DLGAP4: variants seen among roughly 807,000 people sequenced by gnomAD.
The protein encoded by DLGAP4 is disks large-associated protein 4.
DLGAP4 carries 18 observed loss-of-function variants against 86.9 expected under a neutral mutation model. The ratio of observed to expected loss-of-function variants is 0.21; its 90% CI spans 0.14 to 0.31. The LOEUF (loss-of-function observed/expected upper bound fraction) is 0.31. Ranked by LOEUF, DLGAP4 falls within the 10% of genes least tolerant of loss-of-function variation. The pLI is 1.00. For missense variants in DLGAP4, 1,085 were observed against 1,362.6 expected, an observed-to-expected ratio of 0.80 and a Z score of 3.21; for synonymous variants, 548 against 574.3, an observed-to-expected ratio of 0.95 and a Z score of 0.65.
At chr20:36,403,355 T>G (rs765519671) in intron 2 of DLGAP4, among the ~76,000 whole-genome samples, 11 of 152,200 alleles carry the variant, frequency 7.2e-5, no homozygotes, top group Non-Finnish European at 1.2e-4. Context: ...TAAACACATC[T>G]TTAAAGTCCC....
chr20:36,345,838 G>A (rs782593389), intron 1 of DLGAP4, among the ~76,000 whole-genome samples: 3 of 151,772 alleles, frequency 2.0e-5, no homozygotes, highest in Non-Finnish European at 4.4e-5. Flanking sequence ...GCTCCCTGCC[G>A]CCTTGACCTC....
intron 2 of DLGAP4, among the ~76,000 whole-genome samples, chr20:36,378,058 AG>A (rs1381607205): frequency 6.6e-6 from 1 of 152,150 alleles, no homozygotes; most frequent in Admixed American, 6.5e-5. Context: ...GTCCCCCAGG[AG>A]AGCCCCTGGG....
chr20:36,403,264 G>A (rs891757552), intron 2 of DLGAP4, among the ~76,000 whole-genome samples: 1 of 152,154 alleles, frequency 6.6e-6, no homozygotes, highest in South Asian at 2.1e-4. Flanking sequence ...ATGGCAGAAG[G>A]TCAAAGAGAG....
chr20:36,444,982 G>T (rs1158284618), intron 6 of DLGAP4, among the ~76,000 whole-genome samples: 4 of 151,674 alleles, frequency 2.6e-5, no homozygotes, highest in African/African-American at 9.7e-5. Flanking sequence ...TTAGAGACAG[G>T]ATCTTGCTTT....
At chr20:36,312,858 G>T (rs2065065119) in intron 1 of DLGAP4, among the ~76,000 whole-genome samples, 1 of 152,170 alleles carries the variant, frequency 6.6e-6, no homozygotes, top group Admixed American at 6.5e-5. Context: ...TTCTGTTGCA[G>T]CTGCCAGGAC....
In DLGAP4 at chr20:36,527,297, C is replaced by CTAGAT; in HGVS notation, c.*267_*271dup. On this transcript the variant is annotated 3_prime_UTR_variant, in exon 13 of 13. Transcript: ENST00000339266. Reference sequence around the variant, plus strand: ...TTTTCCTCTTGCTGGCCGTGGTGGACTAGATAGATGGACGTCGGCAACTCC... The same window carrying CTAGAT: ...TTTTCCTCTTGCTGGCCGTGGTGGACTAGATTAGATAGATGGACGTCGGCAACTCC... The CTAGAT allele has an allele frequency of 3.0e-6, 1 of 334,756 alleles. No individual in the cohort carries two copies. Among genetic ancestry groups the CTAGAT allele is most frequent in the Non-Finnish European group, 5.5e-6 (1 of 181,638 alleles). 20.7% of individuals were successfully genotyped at this position (334,756 alleles called of 1,614,324 possible). A position where few individuals can be genotyped will look rare whatever the true frequency, so the allele number is the denominator to read the frequency against.
chr20:36,361,273 C>T (rs2030511175), intron 1 of DLGAP4, among the ~76,000 whole-genome samples: 1 of 152,150 alleles, frequency 6.6e-6, no homozygotes, highest in Non-Finnish European at 1.5e-5. Flanking sequence ...TTCAACTTTA[C>T]AAATATTTAT....
At chr20:36,526,656 C>A (rs568597463) in intron 12 of DLGAP4, among the ~76,000 whole-genome samples, 157 bp from the exon 13 acceptor site, 1 of 152,148 alleles carries the variant, frequency 6.6e-6, no homozygotes, top group African/African-American at 2.4e-5. Context: ...TCAGTCATCG[C>A]TTCTCGTGGC....
intron 1 of DLGAP4, among the ~76,000 whole-genome samples, chr20:36,324,753 T>C (rs1250379723): frequency 6.6e-6 from 1 of 152,250 alleles, no homozygotes; most frequent in Non-Finnish European, 1.5e-5. Flanking sequence ...GTTTCGAAAC[T>C]TATTATCTTT....
At chr20:36,380,750 G>A (rs1178282533) in intron 2 of DLGAP4, among the ~76,000 whole-genome samples, 2 of 152,108 alleles carry the variant, frequency 1.3e-5, no homozygotes, top group African/African-American at 4.8e-5. Flanking sequence ...CCCTTAGCAT[G>A]CATCTTTCAT....
At chr20:36,415,733 C>T (rs754447979) in intron 2 of DLGAP4, among the ~76,000 whole-genome samples, 2 of 152,172 alleles carry the variant, frequency 1.3e-5, no homozygotes, top group African/African-American at 2.4e-5. Context: ...CCAGCCTCCA[C>T]GCCATACACA....
intron 10 of DLGAP4, among the ~76,000 whole-genome samples, chr20:36,513,783 A>G (rs997597216): frequency 1.3e-5 from 2 of 152,148 alleles, no homozygotes; most frequent in African/African-American, 2.4e-5. Flanking sequence ...GGAGCCAAAC[A>G]TGGCTTGGAG....
chr20:36,440,429 C>CAGTTG (rs1277626683), intron 5 of DLGAP4, among the ~76,000 whole-genome samples: 11 of 152,172 alleles, frequency 7.2e-5, no homozygotes, highest in African/African-American at 2.2e-4. Flanking sequence ...ACTCAGTGGG[C>CAGTTG]AGTTGTGCTC....
At chr20:36,461,676 C>CGGG in intron 7 of DLGAP4, 1 of 167,738 alleles carries the variant, frequency 6.0e-6, no homozygotes, top group Non-Finnish European at 1.1e-5. Flanking sequence ...CGGCCCGGCC[C>CGGG]GGCCCTGCCC....
intron 7 of DLGAP4, among the ~76,000 whole-genome samples, chr20:36,488,115 G>T (rs1025685649): frequency 2.0e-5 from 3 of 151,196 alleles, no homozygotes; most frequent in African/African-American, 7.3e-5. Flanking sequence ...CAGGAGAATC[G>T]CTTGAACCCG....
At chr20:36,307,029 G>A (rs2065009371) in intron 1 of DLGAP4, among the ~76,000 whole-genome samples, 1 of 152,172 alleles carries the variant, frequency 6.6e-6, no homozygotes, top group East Asian at 1.9e-4. Flanking sequence ...CTCGGATCCC[G>A]TCTCGGTAGA....
At chr20:36,418,248 G>A (rs977736543) in intron 2 of DLGAP4, among the ~76,000 whole-genome samples, 8 of 151,080 alleles carry the variant, frequency 5.3e-5, no homozygotes, top group Admixed American at 1.3e-4. Context: ...CAAGTAGCTG[G>A]GATTACAGGC....
At chr20:36,485,145 G>A (rs890540439) in intron 7 of DLGAP4, among the ~76,000 whole-genome samples, 1 of 152,072 alleles carries the variant, frequency 6.6e-6, no homozygotes, top group Non-Finnish European at 1.5e-5. Context: ...CAGCACTTTT[G>A]GAGGCCAAGT....
intron 10 of DLGAP4, among the ~76,000 whole-genome samples, chr20:36,517,153 C>T (rs1379081261): frequency 6.6e-6 from 1 of 150,768 alleles, no homozygotes; most frequent in African/African-American, 2.4e-5. Flanking sequence ...CCGAGGTGGG[C>T]AGATCACTTG....
Sources: allele counts gnomAD v4.1 joint callset (sites outside exome capture counted in the v4.1 genomes callset), GRCh38; gene constraint gnomAD v4.1.1; transcripts MANE v1.5; gene names NCBI Gene and HGNC (gene_info 2026-07-23, HGNC 2026-07-21).